CSMD1: variants seen among roughly 807,000 people sequenced by gnomAD.
CSMD1 encodes the protein CUB and Sushi multiple domains 1.
CSMD1 carries 213 observed loss-of-function variants against 417.5 expected under a neutral mutation model. The observed-to-expected ratio is 0.51, with a 90% CI of 0.46 to 0.57. The LOEUF (loss-of-function observed/expected upper bound fraction) is 0.57, where lower values mean the gene tolerates loss of function less well. Among genes scored for constraint, CSMD1 ranks in the 20% least tolerant of loss-of-function variants. The probability of loss-of-function intolerance (pLI) is 0.00; values close to 1 mark genes in which losing one functional copy is unlikely to be tolerated. For synonymous variants in CSMD1, 2,862 were observed against 1,736.8 expected, an observed-to-expected ratio of 1.65 and a Z score of -16.11; for missense variants, 6,923 against 4,529.7, an observed-to-expected ratio of 1.53 and a Z score of -15.17.
At chr8:3,219,584 G>C (rs930126219) in intron 28 of CSMD1, 142 bp from the exon 29 acceptor site, 2 of 560,026 alleles carry the variant, frequency 3.6e-6, no homozygotes, top group Admixed American at 3.6e-5. Flanking sequence ...GTTAAATGTA[G>C]TATGAATCAA....
chr8:4,771,851 T>C (rs1011256830), intron 1 of CSMD1, among the ~76,000 whole-genome samples: 1 of 152,150 alleles, frequency 6.6e-6, no homozygotes, highest in East Asian at 1.9e-4. Flanking sequence ...GTGGTTTTAA[T>C]CCACGAGGGA....
At chr8:4,898,434 A>G (rs1479960139) in intron 1 of CSMD1, among the ~76,000 whole-genome samples, 1 of 152,218 alleles carries the variant, frequency 6.6e-6, no homozygotes, top group East Asian at 1.9e-4. Flanking sequence ...ATGGTCACAG[A>G]AGGACCGCAT....
chr8:4,527,871 T>G (rs922248925), intron 2 of CSMD1, among the ~76,000 whole-genome samples: 1 of 152,324 alleles, frequency 6.6e-6, no homozygotes, highest in Non-Finnish European at 1.5e-5. Flanking sequence ...CTTAGTTCTA[T>G]GAAATCAGAC....
At chr8:3,268,884 C>G (rs1018665153) in intron 26 of CSMD1, among the ~76,000 whole-genome samples, 1 of 152,100 alleles carries the variant, frequency 6.6e-6, no homozygotes, top group Non-Finnish European at 1.5e-5. Flanking sequence ...GAGCTGGATT[C>G]ATATTAGCAG....
chr8:3,115,896 T>C (rs9314473), intron 42 of CSMD1, among the ~76,000 whole-genome samples: 2,431 of 152,314 alleles, frequency 0.016, 61 homozygotes, highest in African/African-American at 0.055. Flanking sequence ...GCTGGACCTT[T>C]GAAGATGGTT....
chr8:3,370,316 C>G (rs1809867751), intron 18 of CSMD1, among the ~76,000 whole-genome samples: 1 of 152,172 alleles, frequency 6.6e-6, no homozygotes, highest in Non-Finnish European at 1.5e-5. Flanking sequence ...GTCACCAGAG[C>G]CGGAGGGTAG....
At chr8:3,084,757 T>C (rs1285528944) in intron 49 of CSMD1, among the ~76,000 whole-genome samples, 1 of 151,992 alleles carries the variant, frequency 6.6e-6, no homozygotes, top group Non-Finnish European at 1.5e-5. Context: ...ACTTTTATAA[T>C]TCCTTCCCAA....
chr8:3,399,170 C>T (rs1811883498), intron 16 of CSMD1, among the ~76,000 whole-genome samples: 1 of 152,172 alleles, frequency 6.6e-6, no homozygotes, highest in South Asian at 2.1e-4. Context: ...CCAGGACTGG[C>T]AGTTCCCCTA....
intron 25 of CSMD1, among the ~76,000 whole-genome samples, chr8:3,287,278 G>A (rs1337571361): frequency 6.6e-6 from 1 of 151,580 alleles, no homozygotes; most frequent in African/African-American, 2.4e-5. Flanking sequence ...TTGACTTGGT[G>A]ATTCGGGCTC....
chr8:4,905,757 T>C (rs1192943795), intron 1 of CSMD1, among the ~76,000 whole-genome samples: 14 of 148,752 alleles, frequency 9.4e-5, no homozygotes, highest in Middle Eastern at 3.5e-3. Context: ...GAGGCGGAGC[T>C]TGCAGTGAGC....
At chr8:4,002,729 A>G (rs570898716) in intron 4 of CSMD1, among the ~76,000 whole-genome samples, 7 of 152,350 alleles carry the variant, frequency 4.6e-5, no homozygotes, top group Admixed American at 6.5e-5. Flanking sequence ...TTAAATGTAC[A>G]TCATAAATGA....
rs758269217 is a variant in CSMD1 at position 3,162,204 on chromosome 8, C to T, written c.5799G>A (p.Val1933=). 9.3e-6 allele frequency: 15 copies of T among 1,611,046 alleles called. No individual in the cohort carries two copies. Among genetic ancestry groups the T allele is most frequent in the East Asian group, 8.9e-5 (4 of 44,834 alleles). The change falls in exon 38 of 70, where the codon GTG becomes GTA. Residue 1933 remains valine (V), a synonymous_variant. Transcript: ENST00000635120. ...NSIKIGDRYM[V]NDVLSFQCEP... ...CGCACTGGAAGGAGAGCACGTCGTT[C>T]ACCATGTACCGATCTCCGATTTTGA...
rs1801960569 is a variant in CSMD1 at position 4,364,554 on chromosome 8, G to C, written c.415+55399C>G. 2.3e-4 allele frequency among the ~76,000 whole-genome samples: 4 copies of C among 17,186 alleles called. 2 individuals carry two copies. The highest frequency in any genetic ancestry group is 2.2e-3 in the Admixed American group (4 of 1,832). The allele number at this position is 17,186 out of a possible 152,430, so 11.3% of individuals were successfully genotyped here. ...AAAAGATAATCAATGGCCGGGCGCG[G>C]TGGCTCACGCCTGTAATCCCAGCAC... On this transcript the variant is annotated intron_variant, in intron 3 of 69. Coordinates refer to ENST00000635120, the MANE Select transcript of CSMD1 (RefSeq NM_033225.6).
chr8:4,841,886 G>C (rs987918381), intron 1 of CSMD1, among the ~76,000 whole-genome samples: 2 of 129,346 alleles, frequency 1.5e-5, no homozygotes, highest in East Asian at 2.5e-4. Context: ...ACTCTAGCCG[G>C]GGCAACAAGA....
chr8:3,072,675 G>A lies in CSMD1; in HGVS notation c.7474+14422C>T, dbSNP rs543806857. Among the ~76,000 whole-genome samples, 12 of 152,286 alleles carry A rather than the reference G, an allele frequency of 7.9e-5. No individual in the cohort carries two copies. The South Asian group carries it at 2.1e-3, about 26-fold the overall frequency. ...TATCCCAATTTTAATTAGCACTAGGGAAGCAGATGTGGCAGAGAAACGATG... is the reference window on the plus strand; with the variant it reads ...TATCCCAATTTTAATTAGCACTAGGAAAGCAGATGTGGCAGAGAAACGATG... On this transcript the variant is annotated intron_variant, in intron 49 of 69. Coordinates refer to ENST00000635120, the MANE Select transcript of CSMD1 (RefSeq NM_033225.6).
At chr8:4,670,521 C>T (rs1226146131) in intron 1 of CSMD1, among the ~76,000 whole-genome samples, 1 of 152,152 alleles carries the variant, frequency 6.6e-6, no homozygotes, top group Admixed American at 6.5e-5. Flanking sequence ...AAAGTGCTAA[C>T]TGCAAGGGAT....
chr8:3,094,043 T>C (rs1408610870), intron 47 of CSMD1, among the ~76,000 whole-genome samples: 1 of 152,206 alleles, frequency 6.6e-6, no homozygotes, highest in Non-Finnish European at 1.5e-5. Flanking sequence ...TATTTTGAAA[T>C]GTCATTTTTA....
intron 5 of CSMD1, among the ~76,000 whole-genome samples, chr8:3,876,193 G>C (rs191497311): frequency 3.2e-4 from 48 of 152,278 alleles, no homozygotes; most frequent in Middle Eastern, 3.4e-3. Context: ...TGTTTGAAAG[G>C]AGGGGAGGGG....
intron 2 of CSMD1, among the ~76,000 whole-genome samples, chr8:4,426,315 AG>A (rs1797551423): frequency 1.3e-5 from 2 of 151,246 alleles, no homozygotes; most frequent in South Asian, 2.1e-4. Context: ...AGATATAAAA[AG>A]TTTTTTTAAT....
Sources: gnomAD v4.1 joint callset for allele counts (sites outside exome capture counted in the v4.1 genomes callset) on GRCh38, gnomAD v4.1.1 for gene constraint, MANE v1.5 for transcripts, NCBI Gene and HGNC (gene_info 2026-07-23, HGNC 2026-07-21) for gene names.